Variants in CRYBG1 observed in about 807,000 individuals in gnomAD.
CRYBG1 encodes the protein crystallin beta-gamma domain containing 1, also known as beta/gamma crystallin domain-containing protein 1.
A neutral mutation model predicts 189.2 loss-of-function variants in CRYBG1; 139 were observed. That is an observed-to-expected ratio of 0.73 (90% CI 0.64 to 0.85). The LOEUF is 0.85. Among genes scored for constraint, CRYBG1 ranks in the 40% least tolerant of loss-of-function variants. The pLI is 0.00. For synonymous variants in CRYBG1, 1,023 were observed against 1,017.1 expected, an observed-to-expected ratio of 1.01 and a Z score of -0.11; for missense variants, 2,611 against 2,675.8, an observed-to-expected ratio of 0.98 and a Z score of 0.53.
chr6:106,532,395 T>C (rs1473172067), intron 8 of CRYBG1, among the ~76,000 whole-genome samples: 1 of 152,218 alleles, frequency 6.6e-6, no homozygotes, highest in East Asian at 1.9e-4. Context: ...TTGACATACT[T>C]GATTTCATTT....
At chr6:106,561,306 T>A in intron 19 of CRYBG1, 36 bp from the exon 20 acceptor site, 1 of 1,606,062 alleles carries the variant, frequency 6.2e-7, no homozygotes, top group Non-Finnish European at 8.5e-7. Flanking sequence ...CAGCAGCACA[T>A]CTGGTATAAC....
intron 1 of CRYBG1, among the ~76,000 whole-genome samples, chr6:106,384,585 G>A (rs190304415): frequency 3.9e-5 from 6 of 152,140 alleles, no homozygotes; most frequent in Admixed American, 3.9e-4. Flanking sequence ...TGCAGTCACT[G>A]AAGAAAACCC....
chr6:106,424,412 AT>A (rs1771189223), intron 1 of CRYBG1, among the ~76,000 whole-genome samples: 1 of 152,274 alleles, frequency 6.6e-6, no homozygotes, highest in Admixed American at 6.5e-5. Flanking sequence ...CCCACTGCAT[AT>A]GGCCTGGAGG....
chr6:106,472,776 T>C (rs1772260309), intron 2 of CRYBG1, among the ~76,000 whole-genome samples: 1 of 151,492 alleles, frequency 6.6e-6, no homozygotes, highest in Admixed American at 6.6e-5. Flanking sequence ...TGGTGGCACG[T>C]GCCTGTAGTC....
chr6:106,461,920 T>G (rs541175329), intron 2 of CRYBG1, among the ~76,000 whole-genome samples: 2 of 152,232 alleles, frequency 1.3e-5, no homozygotes, highest in African/African-American at 4.8e-5. Context: ...CAGAAACAGG[T>G]ACTATGACCG....
chr6:106,374,191 G>T (rs894326202), intron 1 of CRYBG1, among the ~76,000 whole-genome samples: 2 of 152,158 alleles, frequency 1.3e-5, no homozygotes, highest in African/African-American at 2.4e-5. Flanking sequence ...TAGAGAAGCT[G>T]CAATATTCAC....
At chr6:106,485,893 A>G (rs1024415878) in intron 2 of CRYBG1, among the ~76,000 whole-genome samples, 1 of 152,176 alleles carries the variant, frequency 6.6e-6, no homozygotes, top group Admixed American at 6.5e-5. Flanking sequence ...GAATTTTTGC[A>G]TGTGCATTCA....
intron 2 of CRYBG1, among the ~76,000 whole-genome samples, chr6:106,496,180 G>A (rs1004959772): frequency 1.6e-4 from 25 of 152,094 alleles, no homozygotes; most frequent in Admixed American, 4.6e-4. Flanking sequence ...AAGTGGTTGG[G>A]ATTAAAATAA....
chr6:106,521,552 C>A, intron 4 of CRYBG1, 99 bp downstream of exon 4: 1 of 1,301,462 alleles, frequency 7.7e-7, no homozygotes, highest in Non-Finnish European at 1.0e-6. Context: ...AATGGTTAAG[C>A]TTATGTGCTA....
In CRYBG1 at chr6:106,570,977, C is replaced by T. The variant is rs529061439; in HGVS notation, c.*2411C>T. ...AAAACACTTACCGTAAATGAATATT[C>T]GAAGTGCACACTGCAATGGGTTGAT... On this transcript the variant is annotated 3_prime_UTR_variant, in exon 22 of 22. Transcript: ENST00000633556. The T allele has an allele frequency of 3.9e-5, 6 of 152,216 alleles. No homozygotes were observed. The highest frequency in any genetic ancestry group is 1.9e-4 in the East Asian group (1 of 5,180). The allele number at this position is 152,216 out of a possible 1,614,324, so 9.4% of individuals were successfully genotyped here.
intron 3 of CRYBG1, among the ~76,000 whole-genome samples, chr6:106,514,210 A>T (rs748590338): frequency 7.9e-5 from 12 of 151,938 alleles, no homozygotes; most frequent in Non-Finnish European, 1.6e-4. Context: ...AACTGATAAG[A>T]CCCTCCCTTC....
Position 106,568,776 on chromosome 6 carries a change from T to C in CRYBG1, c.*210T>C. The C allele has an allele frequency of 2.2e-6, 1 of 459,772 alleles. No homozygotes were observed. The allele number at this position is 459,772 out of a possible 1,614,324, so 28.5% of individuals were successfully genotyped here. A position where few individuals can be genotyped will look rare whatever the true frequency, so the allele number is the denominator to read the frequency against. On this transcript the variant is annotated 3_prime_UTR_variant, in exon 22 of 22. Coordinates refer to ENST00000633556, the MANE Select transcript of CRYBG1 (RefSeq NM_001371242.2). ...CTTTAAACCAATAATTTGTCCTCCTTTCATTTCTTGCCTTTCATTTTTGGT... is the reference window on the plus strand; with the variant it reads ...CTTTAAACCAATAATTTGTCCTCCTCTCATTTCTTGCCTTTCATTTTTGGT...
In CRYBG1 at chr6:106,434,165, AG is replaced by A. The variant is rs1336771733; in HGVS notation, c.174-17528del. 2.0e-5 allele frequency among the ~76,000 whole-genome samples: 3 copies of A among 151,806 alleles called. No homozygotes were observed. The East Asian group carries it at 5.8e-4, about 29-fold the overall frequency. ...ATATCAGAGAGAAAGAGAGAGAGAG[AG>A]AGAGATTGAGACAGAAAGAGAGAGA... On this transcript the variant is annotated intron_variant, in intron 1 of 21. Coordinates refer to ENST00000633556, the MANE Select transcript of CRYBG1 (RefSeq NM_001371242.2).
chr6:106,455,122 T>C (rs1255026312), intron 2 of CRYBG1, among the ~76,000 whole-genome samples: 1 of 152,168 alleles, frequency 6.6e-6, no homozygotes, highest in Non-Finnish European at 1.5e-5. Flanking sequence ...ACAAAACAAG[T>C]TTTCCTTTAA....
intron 1 of CRYBG1, among the ~76,000 whole-genome samples, chr6:106,449,116 T>C (rs1203734085): frequency 6.6e-6 from 1 of 152,214 alleles, no homozygotes; most frequent in East Asian, 1.9e-4. Context: ...AGGGATTGTA[T>C]CACAAGCAAA....
At chr6:106,562,737 T>C (rs1479218663) in intron 20 of CRYBG1, among the ~76,000 whole-genome samples, 1 of 152,236 alleles carries the variant, frequency 6.6e-6, no homozygotes, top group Non-Finnish European at 1.5e-5. Context: ...TCCACCTGCC[T>C]TGGCCTCCCA....
intron 1 of CRYBG1, among the ~76,000 whole-genome samples, chr6:106,438,195 C>G (rs1040574119): frequency 6.6e-6 from 1 of 152,200 alleles, no homozygotes; most frequent in South Asian, 2.1e-4. Context: ...TGAAGGCCAG[C>G]GTCCCTAAAA....
chr6:106,366,032 A>G (rs1320399032), intron 1 of CRYBG1, among the ~76,000 whole-genome samples: 1 of 152,214 alleles, frequency 6.6e-6, no homozygotes, highest in Non-Finnish European at 1.5e-5. Context: ...AGAATGTTGT[A>G]AGGATAAACT....
At chr6:106,542,335 T>A (rs1178788107) in intron 10 of CRYBG1, among the ~76,000 whole-genome samples, 5 of 148,012 alleles carry the variant, frequency 3.4e-5, no homozygotes, top group African/African-American at 9.9e-5. Flanking sequence ...CAGGCTGGTA[T>A]ACAGTGGCAC....
Sources: gnomAD v4.1 joint callset for allele counts (sites outside exome capture counted in the v4.1 genomes callset) on GRCh38, gnomAD v4.1.1 for gene constraint, MANE v1.5 for transcripts, NCBI Gene and HGNC (gene_info 2026-07-23, HGNC 2026-07-21) for gene names.